YIPF7: variants seen among roughly 807,000 people sequenced by gnomAD.
The protein encoded by YIPF7 is protein YIPF7.
Under a neutral mutation model 27.2 loss-of-function variants are expected in YIPF7, and 35 were observed. That is an observed-to-expected ratio of 1.29 (90% CI 0.98 to 1.70). The LOEUF is 1.70. Ranked by LOEUF, YIPF7 falls within the 40% of genes most tolerant of loss-of-function variation. The pLI, the probability that YIPF7 is intolerant of heterozygous loss-of-function variation, is 0.00. For missense variants in YIPF7, 358 were observed against 303.7 expected (o/e 1.18, Z -1.33); for synonymous variants, 137 against 110.4 (o/e 1.24, Z -1.51).
At chr4:44,658,505 A>G (rs890537659) in intron 2 of YIPF7, among the ~76,000 whole-genome samples, 1 of 152,154 alleles carries the variant, frequency 6.6e-6, no homozygotes, top group Admixed American at 6.5e-5. Flanking sequence ...TCTCCCCACT[A>G]CCCTGTTGTT....
intron 2 of YIPF7, among the ~76,000 whole-genome samples, chr4:44,637,048 A>C (rs985570502): frequency 1.3e-5 from 2 of 152,108 alleles, no homozygotes; most frequent in Non-Finnish European, 2.9e-5. Flanking sequence ...AGTGATTTCC[A>C]TTTCCATCTA....
intron 4 of YIPF7, among the ~76,000 whole-genome samples, chr4:44,628,462 A>G (rs907208375): frequency 2.0e-5 from 3 of 152,160 alleles, no homozygotes; most frequent in Non-Finnish European, 4.4e-5. Flanking sequence ...AATGGGGAAG[A>G]GGGCTAAATA....
chr4:44,625,004 G>A (rs1038419343), intron 4 of YIPF7, among the ~76,000 whole-genome samples: 15 of 152,058 alleles, frequency 9.9e-5, no homozygotes, highest in African/African-American at 2.9e-4. Context: ...TGGGATAAGC[G>A]TGCTACAAAA....
intron 2 of YIPF7, among the ~76,000 whole-genome samples, chr4:44,645,396 T>C (rs1370446528): frequency 6.6e-6 from 1 of 152,202 alleles, no homozygotes; most frequent in Admixed American, 6.5e-5. Flanking sequence ...TCTGAGATAA[T>C]GGATCTGGAC....
intron 5 of YIPF7, among the ~76,000 whole-genome samples, chr4:44,623,422 A>G (rs908232715): frequency 1.3e-5 from 2 of 152,226 alleles, no homozygotes; most frequent in African/African-American, 4.8e-5. Flanking sequence ...CAATAGGTCA[A>G]GATCTCTCCT....
upstream of YIPF7, among the ~76,000 whole-genome samples, chr4:44,652,650 A>G (rs1251549788): frequency 6.6e-6 from 1 of 152,222 alleles, no homozygotes; most frequent in East Asian, 1.9e-4. Context: ...TATCAAGGAC[A>G]TACTGTTGAG....
At chr4:44,622,713 G>T in intron 5 of YIPF7, 137 bp from the exon 6 acceptor site, 1 of 1,129,930 alleles carries the variant, frequency 8.9e-7, no homozygotes, top group African/African-American at 1.6e-5. Flanking sequence ...TAAAATATAT[G>T]AACAAAAGCC....
At chr4:44,645,371 T>G (rs910100877) in intron 2 of YIPF7, among the ~76,000 whole-genome samples, 5 of 152,176 alleles carry the variant, frequency 3.3e-5, no homozygotes, top group Admixed American at 6.5e-5. Flanking sequence ...ACAATATCCT[T>G]TCATGAAAAA....
chr4:44,631,734 AAGG>A (rs1158152649), intron 3 of YIPF7, among the ~76,000 whole-genome samples: 43 of 152,288 alleles, frequency 2.8e-4, no homozygotes, highest in South Asian at 2.1e-4. Context: ...CCAAGCTTAA[AAGG>A]AGGTTAGAAT....
intron 5 of YIPF7, among the ~76,000 whole-genome samples, chr4:44,622,847 A>G (rs1336412206): frequency 6.6e-6 from 1 of 152,218 alleles, no homozygotes; most frequent in Non-Finnish European, 1.5e-5. Context: ...CTCATCTGTC[A>G]ATATTCAAAT....
chr4:44,630,361 G>A (rs1712843716), intron 3 of YIPF7, among the ~76,000 whole-genome samples: 1 of 152,176 alleles, frequency 6.6e-6, no homozygotes, highest in South Asian at 2.1e-4. Context: ...ATGAACTAAT[G>A]AGACTTAGTC....
At chr4:44,639,143 A>G (rs1383614609) in intron 2 of YIPF7, among the ~76,000 whole-genome samples, 1 of 151,798 alleles carries the variant, frequency 6.6e-6, no homozygotes, top group African/African-American at 2.4e-5. Context: ...AGGTTTGTTC[A>G]TTTTTCTCAG....
chr4:44,632,448 A>C (rs1047879405), intron 3 of YIPF7, among the ~76,000 whole-genome samples: 5 of 152,214 alleles, frequency 3.3e-5, no homozygotes, highest in African/African-American at 1.2e-4. Context: ...TTCGTATCTG[A>C]CAGACTTGAA....
chr4:44,651,957 A>C (rs180851348), upstream of YIPF7, among the ~76,000 whole-genome samples: 171 of 152,360 alleles, frequency 1.1e-3, no homozygotes, highest in Admixed American at 3.2e-3. Context: ...AGTAAAAATC[A>C]AAATATGGCA....
chr4:44,646,953 G>T (rs1227927870), intron 2 of YIPF7, among the ~76,000 whole-genome samples: 2 of 152,088 alleles, frequency 1.3e-5, no homozygotes, highest in Non-Finnish European at 2.9e-5. Flanking sequence ...ACTATTCATG[G>T]TATGAATAAA....
At chr4:44,644,240 C>T (rs1713443218) in intron 2 of YIPF7, among the ~76,000 whole-genome samples, 3 of 152,308 alleles carry the variant, frequency 2.0e-5, no homozygotes, top group South Asian at 4.1e-4. Context: ...AGCTTTAACA[C>T]AGGGGTGTCC....
intron 2 of YIPF7, among the ~76,000 whole-genome samples, chr4:44,646,129 T>C (rs1356579481): frequency 2.0e-5 from 3 of 152,216 alleles, no homozygotes; most frequent in Non-Finnish European, 4.4e-5. Context: ...TGGTGTTTAT[T>C]AATTCCAGAG....
chr4:44,661,047 A>G (rs1274582446), intron 1 of YIPF7, among the ~76,000 whole-genome samples: 2 of 152,236 alleles, frequency 1.3e-5, no homozygotes, highest in East Asian at 3.8e-4. Context: ...AGGAACTGTT[A>G]AGATTCTAAG....
intron 1 of YIPF7, among the ~76,000 whole-genome samples, chr4:44,661,636 T>C (rs1280134474): frequency 6.6e-6 from 1 of 152,214 alleles, no homozygotes; most frequent in Non-Finnish European, 1.5e-5. Flanking sequence ...GTCATCTTCT[T>C]AACAACAATA....
Sources: gnomAD v4.1 joint callset for allele counts (sites outside exome capture counted in the v4.1 genomes callset) on GRCh38, gnomAD v4.1.1 for gene constraint, MANE v1.5 for transcripts, NCBI Gene and HGNC (gene_info 2026-07-23, HGNC 2026-07-21) for gene names.